The following ITPR3 variants were observed in gnomAD, a reference collection of about 807,000 sequenced individuals.
ITPR3 encodes inositol 1,4,5-trisphosphate-gated calcium channel ITPR3.
In ITPR3, 173 loss-of-function variants were observed where a neutral mutation model predicts 293.2. The ratio of observed to expected loss-of-function variants is 0.59; its 90% confidence interval spans 0.52 to 0.67. The LOEUF is 0.67. Among genes scored for constraint, ITPR3 ranks in the 30% least tolerant of loss-of-function variants. ITPR3 has a pLI of 0.00. For missense variants in ITPR3, 2,796 were observed against 3,592.1 expected (o/e 0.78, Z 5.66); for synonymous variants, 1,295 against 1,444.4 (o/e 0.90, Z 2.35).
Position 33,687,246 on chromosome 6 carries a change from C to T in ITPR3, c.6096C>T (p.Ala2032=), listed in dbSNP as rs1319975482. The T allele has an allele frequency of 6.2e-7, 1 of 1,613,456 alleles. No individual in the cohort carries two copies. Among genetic ancestry groups the T allele is most frequent in the Admixed American group, 1.7e-5 (1 of 60,004 alleles). The stretch of plus-strand genomic sequence containing the variant: ...TCCAGGTGGACGTCATCAAGAAGGC[C>T]TACCTGCAGGAGGAAGAGCGTGAGA... The part of the protein sequence containing the change: ...PQELVDVIKK[A]YLQEEERENS... Residue 2032 remains alanine, a synonymous_variant, in exon 45 of 58, where the codon GCC becomes GCT. Coordinates refer to ENST00000605930, the MANE Select transcript of ITPR3 (RefSeq NM_002224.4). The surrounding 1 kb of genome is among the most constrained non-coding windows in gnomAD (Gnocchi z 5.3).
chr6:33,675,879 GC>G lies in ITPR3; in HGVS notation c.3282+26del, dbSNP rs1425376292. ...CAGGTGACGGGACTACCTGGCCCTG[GC>G]CCTGAGCATGAGGCCTGCACCAGGC... is the stretch of plus-strand genomic sequence containing the variant. On this transcript the variant is annotated intron_variant, in intron 25 of 57. Transcript: ENST00000605930. This position sits in a 1 kb window ranked among gnomAD's most constrained non-coding sequence, Gnocchi z 5.0. 1 of 1,541,882 alleles carries G rather than the reference GC, an allele frequency of 6.5e-7. No homozygotes were observed. Among genetic ancestry groups the G allele is most frequent in the Non-Finnish European group, 8.8e-7 (1 of 1,141,864 alleles).
intron 56 of ITPR3, chr6:33,694,720 G>GTCGC: frequency 1.6e-6 from 1 of 609,632 alleles, no homozygotes; most frequent in South Asian, 2.1e-5. Flanking sequence ...TGTCTCGGTG[G>GTCGC]CAGAGGGTTG....
Position 33,679,846 on chromosome 6 carries a change from C to G in ITPR3, c.3973-36C>G. On this transcript the variant is annotated intron_variant, in intron 30 of 57. Transcript: ENST00000605930. The surrounding 1 kb of genome is among the most constrained non-coding windows in gnomAD (Gnocchi z 4.2). ...GAGGAGAGCCCAGGGCTTGCTGGAC[C>G]GAGAGAGTGTGACACGTGCCCCCTC... is the stretch of plus-strand genomic sequence containing the variant. 6.3e-7 allele frequency: 1 copy of G among 1,587,094 alleles called. No homozygotes were observed. The highest frequency in any genetic ancestry group is 1.7e-5 in the Admixed American group (1 of 58,992).
chr6:33,668,773 G>A (rs2127279766), intron 17 of ITPR3, 139 bp downstream of exon 17: 2 of 1,393,710 alleles, frequency 1.4e-6, no homozygotes, highest in Non-Finnish European at 2.0e-6. Flanking sequence ...CCTGTTATGT[G>A]CCCCGCTGTG....
chr6:33,650,115 C>G (rs967178013), intron 2 of ITPR3, among the ~76,000 whole-genome samples: 1 of 152,220 alleles, frequency 6.6e-6, no homozygotes, highest in Non-Finnish European at 1.5e-5. Context: ...TGCTGCAACT[C>G]CTGTGTGGGC....
At position 33,681,756 on chromosome 6, in the gene ITPR3, GAC is replaced by G. The variant is rs769856331; in HGVS notation, c.4477-762_4477-761del. ...CTTCTCAGGAAGGGTGGTGTATTTT[GAC>G]ACACATTGTTTGGGCCCTGGGATCG... On this transcript the variant is annotated intron_variant, in intron 33 of 57. Transcript: ENST00000605930. Among the ~76,000 whole-genome samples the G allele has an allele frequency of 1.4e-4, 21 of 152,290 alleles. No homozygotes were observed. The South Asian group carries it at 3.7e-3, about 27-fold the overall frequency.
At chr6:33,626,715 A>T (rs752228652) in intron 1 of ITPR3, among the ~76,000 whole-genome samples, 4 of 152,232 alleles carry the variant, frequency 2.6e-5, no homozygotes, top group Non-Finnish European at 4.4e-5. Context: ...TTTGAGCCTT[A>T]AGTCTGAGAC....
chr6:33,694,830 G>C, intron 56 of ITPR3, 94 bp from the exon 57 acceptor site: 1 of 1,492,636 alleles, frequency 6.7e-7, no homozygotes, highest in Non-Finnish European at 9.3e-7. Context: ...TGTTAAGGGT[G>C]TGGCAGAAGC....
Position 33,669,006 on chromosome 6 carries a change from A to C in ITPR3, c.2039A>C (p.His680Pro). The C allele has an allele frequency of 6.2e-7, 1 of 1,614,028 alleles. No homozygotes were observed. Among genetic ancestry groups the C allele is most frequent in the Non-Finnish European group, 8.5e-7 (1 of 1,180,016 alleles). The part of the protein sequence containing the change: ...LRPVKEMAQS[H>P]EYLSIEYSEE... Reference sequence around the variant, plus strand: ...CCCGTGAAGGAGATGGCCCAATCCCACGAGTACCTGAGCATCGAGTACTCA... The same window carrying C: ...CCCGTGAAGGAGATGGCCCAATCCCCCGAGTACCTGAGCATCGAGTACTCA... Residue 680 changes from histidine to proline, a missense_variant, in exon 18 of 58, where the codon CAC (histidine) becomes CCC (proline). His to Pro is a moderately conservative substitution (Grantham distance 77). Transcript: ENST00000605930.
Position 33,667,212 on chromosome 6 carries a change from G to T in ITPR3, c.1635G>T (p.Lys545Asn). ...LVRLEELSDQ[K>N]NAPYQHMFRL... ...GGCTGGAGGAGCTGTCAGACCAGAA[G>T]AACGCCCCCTACCAGCACATGTTCC... Residue 545 changes from lysine (K) to asparagine (N), a missense_variant, in exon 15 of 58, where the codon AAG (lysine) becomes AAT (asparagine). Transcript: ENST00000605930. The surrounding 1 kb of genome is among the most constrained non-coding windows in gnomAD (Gnocchi z 4.4). 6.2e-7 allele frequency: 1 copy of T among 1,614,086 alleles called. No individual in the cohort carries two copies. The highest frequency in any genetic ancestry group is 1.1e-5 in the South Asian group (1 of 91,080).
At chr6:33,693,439 C>T (rs112146375) in intron 55 of ITPR3, 106 bp from the exon 56 acceptor site, 22 of 1,205,222 alleles carry the variant, frequency 1.8e-5, no homozygotes, top group Admixed American at 1.1e-4. Flanking sequence ...GCGCTCATCC[C>T]GAGAACAAAT....
chr6:33,671,877 C>A, intron 21 of ITPR3, 152 bp from the exon 22 acceptor site: 1 of 713,078 alleles, frequency 1.4e-6, no homozygotes. Flanking sequence ...AGGAAGCCTT[C>A]CTGGGTTAGC....
In ITPR3 at chr6:33,665,990, C is replaced by A. The variant is rs779749893; in HGVS notation, c.1551+14C>A. 15 of 1,586,462 alleles carry A rather than the reference C, an allele frequency of 9.5e-6. No individual in the cohort carries two copies. In the African/African-American group the frequency reaches 1.1e-4, roughly 11 times the overall value. ...ATCCTCAAACAGGTGCGTGTGCACC[C>A]ATGAGGGGACGCAGAGGGGCCGGGT... On this transcript the variant is annotated intron_variant, in intron 14 of 57. Coordinates refer to ENST00000605930, the MANE Select transcript of ITPR3 (RefSeq NM_002224.4).
Position 33,687,699 on chromosome 6 carries a change from G to A in ITPR3, c.6264+135G>A. ...GCTAGAATTTGGGGGTACAGCTCAGGGGGCTGATTGGGACTGGCAGCCGTG... is the reference window on the plus strand; with the variant it reads ...GCTAGAATTTGGGGGTACAGCTCAGAGGGCTGATTGGGACTGGCAGCCGTG... On this transcript the variant is annotated intron_variant, in intron 46 of 57. Coordinates refer to ENST00000605930, the MANE Select transcript of ITPR3 (RefSeq NM_002224.4). This position sits in a 1 kb window ranked among gnomAD's most constrained non-coding sequence, Gnocchi z 5.3. 1.4e-6 allele frequency: 1 copy of A among 717,022 alleles called. No individual in the cohort carries two copies. Among genetic ancestry groups the A allele is most frequent in the East Asian group, 2.7e-5 (1 of 37,094 alleles). 44.4% of individuals were successfully genotyped at this position (717,022 alleles called of 1,614,324 possible).
rs1285772298 is a variant in ITPR3 at position 33,678,505 on chromosome 6, C to T, written c.3733C>T (p.Leu1245=). 1 of 1,611,752 alleles carries T rather than the reference C, an allele frequency of 6.2e-7. No individual in the cohort carries two copies. The change falls in exon 29 of 58, where the codon CTG becomes TTG. Residue 1245 remains leucine (L), a synonymous_variant. Transcript: ENST00000605930. ...TGCAGGGAACCCCGGCAACCAGGCC[C>T]TGCTGCACAAACACCTGCACCTCTT... The part of the protein sequence containing the change: ...FCAGNPGNQA[L]LHKHLHLFLT...
rs776411484 is a variant in ITPR3 at position 33,689,286 on chromosome 6, GCTT to G, written c.6746_6748del (p.Phe2249del). The G allele has an allele frequency of 1.9e-6, 3 of 1,612,136 alleles. No homozygotes were observed. The highest frequency in any genetic ancestry group is 1.1e-5 in the South Asian group (1 of 91,082). ...TCATTGCTCTTCTGGATCCTCATCT[GCTT>G]CTCCATCGCGGCCCTGTTCACCAAG... On this transcript the variant is annotated inframe_deletion, in exon 50 of 58. Transcript: ENST00000605930.
At chr6:33,650,584 G>A (rs1536042) in intron 2 of ITPR3, among the ~76,000 whole-genome samples, 144,758 of 152,290 alleles carry the variant, frequency 0.95, 69,079 homozygotes, top group East Asian at 1. Context: ...AATGGATAGG[G>A]TAGAATTGGA....
Position 33,658,868 on chromosome 6 carries a change from CCCG to C in ITPR3, c.528+41_528+43del. 6.2e-7 allele frequency: 1 copy of C among 1,611,396 alleles called. No homozygotes were observed. The highest frequency in any genetic ancestry group is 8.5e-7 in the Non-Finnish European group (1 of 1,178,314). ...AGGGTTGGAGGGGCCTGGTGGAACTCCCGAGGGGCTTCTGTAGGGTCTTCGGTG... is the reference window on the plus strand; with the variant it reads ...AGGGTTGGAGGGGCCTGGTGGAACTCAGGGGCTTCTGTAGGGTCTTCGGTG... On this transcript the variant is annotated intron_variant, in intron 5 of 57. Transcript: ENST00000605930. This position sits in a 1 kb window ranked among gnomAD's most constrained non-coding sequence, Gnocchi z 6.1.
At position 33,670,637 on chromosome 6, in the gene ITPR3, G is replaced by A. The variant is rs60915206; in HGVS notation, c.2442-34G>A. The A allele has an allele frequency of 1.2e-6, 2 of 1,613,500 alleles. No homozygotes were observed. Among genetic ancestry groups the A allele is most frequent in the African/African-American group, 1.3e-5 (1 of 75,026 alleles). ...GCAGAGGCTGGAGTGGGTGTATCTC[G>A]GGGACCTTCATGCCTCATGGCCTCC... On this transcript the variant is annotated intron_variant, in intron 19 of 57. Coordinates refer to ENST00000605930, the MANE Select transcript of ITPR3 (RefSeq NM_002224.4). The surrounding 1 kb of genome is among the most constrained non-coding windows in gnomAD (Gnocchi z 6.7).
Sources: allele counts gnomAD v4.1 joint callset (sites outside exome capture counted in the v4.1 genomes callset), GRCh38; gene constraint gnomAD v4.1.1; non-coding constraint Gnocchi (gnomAD v3.1); transcripts MANE v1.5; gene names NCBI Gene and HGNC (gene_info 2026-07-23, HGNC 2026-07-21).